TICAM2: variants seen among roughly 807,000 people sequenced by gnomAD.
TICAM2 encodes the protein TIR domain-containing adapter molecule 2.
Under a neutral mutation model 7.3 loss-of-function variants are expected in TICAM2, and 8 were observed. The ratio of observed to expected loss-of-function variants is 1.10; its 90% CI spans 0.65 to 1.99. The LOEUF (loss-of-function observed/expected upper bound fraction) is 1.99, where lower values mean the gene tolerates loss of function less well. TICAM2 is among the 30% of genes most tolerant of loss of function. The pLI, the probability that TICAM2 is intolerant of heterozygous loss-of-function variation, is 0.00. For synonymous variants in TICAM2, 113 were observed against 99.6 expected (o/e 1.13, Z -0.80); for missense variants, 304 against 278.8 (o/e 1.09, Z -0.65).
At chr5:115,600,273 C>T (rs942505398) in intron 1 of TICAM2, among the ~76,000 whole-genome samples, 1 of 152,144 alleles carries the variant, frequency 6.6e-6, no homozygotes, top group African/African-American at 2.4e-5. Flanking sequence ...AATTTAAATG[C>T]CTATCAGACT....
Position 115,578,579 on chromosome 5 carries a change from C to A in TICAM2, c.*1970G>T, listed in dbSNP as rs1016205199. On this transcript the variant is annotated 3_prime_UTR_variant, in exon 2 of 2. Transcript: ENST00000427199. The stretch of plus-strand genomic sequence containing the variant: ...GTCTGGTGCTCTATGAAGTACAAAT[C>A]GATGCTTCATTTCAAAACACTCTTC... 6.6e-6 allele frequency: 1 copy of A among 152,156 alleles called. No homozygotes were observed. The highest frequency in any genetic ancestry group is 2.1e-4 in the South Asian group (1 of 4,818). 9.4% of individuals were successfully genotyped at this position (152,156 alleles called of 1,614,324 possible).
intron 1 of TICAM2, among the ~76,000 whole-genome samples, chr5:115,596,791 T>C (rs1301543057): frequency 1.3e-5 from 2 of 152,028 alleles, no homozygotes; most frequent in Non-Finnish European, 1.5e-5. Flanking sequence ...TGGTGGCGGG[T>C]GCCTGTAGTC....
chr5:115,587,266 T>G (rs1321861491), intron 1 of TICAM2, among the ~76,000 whole-genome samples: 3 of 152,228 alleles, frequency 2.0e-5, no homozygotes, highest in Admixed American at 2.0e-4. Flanking sequence ...CTGATCTGAC[T>G]TGACACAGGT....
intron 1 of TICAM2, among the ~76,000 whole-genome samples, chr5:115,600,367 T>C (rs180845943): frequency 5.1e-4 from 77 of 152,320 alleles, no homozygotes; most frequent in Non-Finnish European, 8.8e-4. Context: ...AATAAAATTT[T>C]GGAAGTCATC....
chr5:115,600,370 A>C (rs1755676919), intron 1 of TICAM2, among the ~76,000 whole-genome samples: 1 of 152,344 alleles, frequency 6.6e-6, no homozygotes, highest in Admixed American at 6.5e-5. Flanking sequence ...AAAATTTTGG[A>C]AGTCATCAGC....
chr5:115,591,208 G>C (rs1024996353), intron 1 of TICAM2, among the ~76,000 whole-genome samples: 3 of 152,194 alleles, frequency 2.0e-5, no homozygotes, highest in African/African-American at 7.2e-5. Flanking sequence ...AGCTAGTGCT[G>C]TGCTTTTTGC....
chr5:115,591,933 T>A (rs1446599509), intron 1 of TICAM2, among the ~76,000 whole-genome samples: 1 of 152,034 alleles, frequency 6.6e-6, no homozygotes, highest in Non-Finnish European at 1.5e-5. Flanking sequence ...TTTTTAAAAG[T>A]CCTATGAACT....
At chr5:115,587,974 A>G (rs1755169350) in intron 1 of TICAM2, among the ~76,000 whole-genome samples, 1 of 152,190 alleles carries the variant, frequency 6.6e-6, no homozygotes, top group African/African-American at 2.4e-5. Context: ...CAGCATGAAA[A>G]TCAGACACAG....
At chr5:115,587,766 T>G (rs184336554) in intron 1 of TICAM2, among the ~76,000 whole-genome samples, 173 of 152,274 alleles carry the variant, frequency 1.1e-3, no homozygotes, top group African/African-American at 3.7e-3. Context: ...AGTGATCCAG[T>G]AGGCACTTGC....
chr5:115,591,076 A>G (rs1235538166), intron 1 of TICAM2, among the ~76,000 whole-genome samples: 1 of 152,250 alleles, frequency 6.6e-6, no homozygotes, highest in Admixed American at 6.5e-5. Flanking sequence ...ATAGAAAAAA[A>G]AAATAGGCTT....
chr5:115,589,089 TAAATAC>T (rs1755213423), intron 1 of TICAM2, among the ~76,000 whole-genome samples: 1 of 152,252 alleles, frequency 6.6e-6, no homozygotes, highest in Non-Finnish European at 1.5e-5. Flanking sequence ...CCTGCTTCTG[TAAATAC>T]ATTTTTATTG....
intron 1 of TICAM2, among the ~76,000 whole-genome samples, chr5:115,589,615 T>C (rs1317528244): frequency 6.6e-6 from 1 of 152,266 alleles, no homozygotes; most frequent in Non-Finnish European, 1.5e-5. Context: ...CCAGTACCTA[T>C]ACTTTTCATT....
chr5:115,583,300 C>T (rs256998), intron 1 of TICAM2, among the ~76,000 whole-genome samples: 92,331 of 151,948 alleles, frequency 0.61, 28,781 homozygotes, highest in African/African-American at 0.77. Flanking sequence ...AGTCACTAGC[C>T]GGTAAGACAA....
In TICAM2 at chr5:115,602,111, C is replaced by T. The variant is rs1466134618; in HGVS notation, c.-74G>A. The T allele has an allele frequency of 6.6e-6, 1 of 152,258 alleles. No homozygotes were observed. The highest frequency in any genetic ancestry group is 2.4e-5 in the African/African-American group (1 of 41,448). The allele number at this position is 152,258 out of a possible 1,614,324, so 9.4% of individuals were successfully genotyped here. A position where few individuals can be genotyped will look rare whatever the true frequency, so the allele number is the denominator to read the frequency against. ...CCGGTACTTGCCTGCAGGCGAGCGC[C>T]ACCACAGTCAGCCCGCGGCTTTTCT... is the stretch of plus-strand genomic sequence containing the variant. On this transcript the variant is annotated 5_prime_UTR_variant, in exon 1 of 2. Transcript: ENST00000427199.
At chr5:115,588,387 G>C (rs553186869) in intron 1 of TICAM2, among the ~76,000 whole-genome samples, 1 of 152,146 alleles carries the variant, frequency 6.6e-6, no homozygotes, top group Non-Finnish European at 1.5e-5. Flanking sequence ...ATGATAAAGT[G>C]ACCTATGGGA....
At chr5:115,598,024 T>C (rs1036220540) in intron 1 of TICAM2, among the ~76,000 whole-genome samples, 1 of 152,192 alleles carries the variant, frequency 6.6e-6, no homozygotes, top group Non-Finnish European at 1.5e-5. Context: ...ACTCACGTGT[T>C]CTTCACATGT....
intron 1 of TICAM2, among the ~76,000 whole-genome samples, chr5:115,599,971 G>A (rs563806035): frequency 1.3e-5 from 2 of 152,040 alleles, no homozygotes; most frequent in East Asian, 1.9e-4. Context: ...AAAGACTGTA[G>A]AGGAGCAAGG....
chr5:115,598,877 GT>G (rs1755609057), intron 1 of TICAM2, among the ~76,000 whole-genome samples: 1 of 151,942 alleles, frequency 6.6e-6, no homozygotes, highest in Non-Finnish European at 1.5e-5. Context: ...CAATCTTTTA[GT>G]TGCTACACCT....
At chr5:115,589,206 G>C (rs1484124603) in intron 1 of TICAM2, among the ~76,000 whole-genome samples, 1 of 152,128 alleles carries the variant, frequency 6.6e-6, no homozygotes, top group Non-Finnish European at 1.5e-5. Flanking sequence ...GGCCCATAAA[G>C]CCTACAATAT....
Sources: gnomAD v4.1 joint callset for allele counts (sites outside exome capture counted in the v4.1 genomes callset) on GRCh38, gnomAD v4.1.1 for gene constraint, MANE v1.5 for transcripts, NCBI Gene and HGNC (gene_info 2026-07-23, HGNC 2026-07-21) for gene names.